The following ZFYVE28 variants were observed in gnomAD, a reference collection of about 807,000 sequenced individuals.
ZFYVE28 encodes zinc finger FYVE-type containing 28.
Under a neutral mutation model 82.1 loss-of-function variants are expected in ZFYVE28, and 40 were observed. That is an observed-to-expected ratio of 0.49 (90% CI 0.38 to 0.63). The LOEUF (loss-of-function observed/expected upper bound fraction) is 0.63, where lower values mean the gene tolerates loss of function less well. Ranked by LOEUF, ZFYVE28 falls within the 30% of genes least tolerant of loss-of-function variation. The pLI, the probability that ZFYVE28 is intolerant of heterozygous loss-of-function variation, is 0.00. For synonymous variants in ZFYVE28, 612 were observed against 546.1 expected, an observed-to-expected ratio of 1.12 and a Z score of -1.68; for missense variants, 1,321 against 1,242.1, an observed-to-expected ratio of 1.06 and a Z score of -0.96.
chr4:2,385,617 C>T (rs1000924132), intron 1 of ZFYVE28, among the ~76,000 whole-genome samples: 2 of 152,244 alleles, frequency 1.3e-5, no homozygotes, highest in African/African-American at 4.8e-5. Flanking sequence ...GCACCCACTG[C>T]CTGCATCTGA....
chr4:2,315,578 C>T (rs555206922), intron 7 of ZFYVE28, among the ~76,000 whole-genome samples: 8 of 152,182 alleles, frequency 5.3e-5, no homozygotes, highest in Admixed American at 6.5e-5. Flanking sequence ...CAACCTCCTT[C>T]GGCAGTTTAA....
At chr4:2,272,105 G>A (rs1383579847) in intron 10 of ZFYVE28, among the ~76,000 whole-genome samples, 1 of 152,216 alleles carries the variant, frequency 6.6e-6, no homozygotes, top group Admixed American at 6.5e-5. Context: ...TGCAGAACAG[G>A]GCCATGTCAC....
At position 2,320,805 on chromosome 4, in the gene ZFYVE28, G is replaced by A. The variant is rs992466279; in HGVS notation, c.702-534C>T. On this transcript the variant is annotated intron_variant, in intron 6 of 12. Coordinates refer to ENST00000290974, the MANE Select transcript of ZFYVE28 (RefSeq NM_020972.3). This position sits in a 1 kb window ranked among gnomAD's most constrained non-coding sequence, Gnocchi z 5.1. ...GCAGCCTCCCCTCATCCCCCACACA[G>A]GACCCACCTCCCTTGTGGTGCCCAC... Among the ~76,000 whole-genome samples, 1 of 152,004 alleles carries A rather than the reference G, an allele frequency of 6.6e-6. No homozygotes were observed. The highest frequency in any genetic ancestry group is 2.4e-5 in the African/African-American group (1 of 41,394).
intron 11 of ZFYVE28, 35 bp from the exon 12 acceptor site, chr4:2,271,449 G>A (rs774566700): frequency 6.2e-7 from 1 of 1,600,486 alleles, no homozygotes; most frequent in East Asian, 2.2e-5. Context: ...ATCAGCGACG[G>A]CAGGAGCAGG....
intron 5 of ZFYVE28, 103 bp downstream of exon 5, chr4:2,337,304 G>A (rs909033355): frequency 8.8e-6 from 9 of 1,023,000 alleles, no homozygotes; most frequent in Admixed American, 2.6e-5. Context: ...GGGCACTCCC[G>A]AGACACAGCA....
chr4:2,399,083 A>AGGGGAGAGCCAGGGCACAAGCGTGG (rs1297197658), intron 1 of ZFYVE28, among the ~76,000 whole-genome samples: 1 of 117,502 alleles, frequency 8.5e-6, no homozygotes, highest in Non-Finnish European at 1.7e-5. Flanking sequence ...CACAAGCGTG[A>AGGGGAGAGCCAGGGCACAAGCGTGG]AGGTGAGATC....
At chr4:2,336,821 T>TGAGGAGA (rs1721821754) in intron 5 of ZFYVE28, among the ~76,000 whole-genome samples, 1 of 55,084 alleles carries the variant, frequency 1.8e-5, no homozygotes, top group African/African-American at 7.0e-5. Flanking sequence ...GAGGTGTGGA[T>TGAGGAGA]TGAGGAGGTG....
chr4:2,310,186 G>T (rs1717275983), intron 7 of ZFYVE28, among the ~76,000 whole-genome samples: 1 of 152,004 alleles, frequency 6.6e-6, no homozygotes, highest in South Asian at 2.1e-4. Context: ...GTACAGATGT[G>T]TACCACCATG....
intron 4 of ZFYVE28, among the ~76,000 whole-genome samples, chr4:2,338,901 T>C (rs662925): frequency 0.21 from 31,680 of 152,122 alleles, 3,501 homozygotes; most frequent in Middle Eastern, 0.37. Flanking sequence ...CGCAGCTCAC[T>C]GTAGCCTCTG....
rs56347137 is a variant in ZFYVE28, at chr4:2,381,607, G to A, written c.40-27534C>T. Among the ~76,000 whole-genome samples the A allele has an allele frequency of 5.4e-3, 823 of 152,156 alleles. 6 individuals are homozygous for A. Among genetic ancestry groups the A allele is most frequent in the South Asian group, 0.027 (128 of 4,814 alleles). On this transcript the variant is annotated intron_variant, in intron 1 of 12. Coordinates refer to ENST00000290974, the MANE Select transcript of ZFYVE28 (RefSeq NM_020972.3). ...TTTTTAGTAGAGATGGGGTTCCACC[G>A]TATTGGCCAGGCTGGTCTCAAGCTC...
At chr4:2,286,657 C>T (rs186609543) in intron 8 of ZFYVE28, 1 of 152,240 alleles carries the variant, frequency 6.6e-6, no homozygotes, top group African/African-American at 2.4e-5. Flanking sequence ...GACGTGGGCT[C>T]TTGGTGGAGC....
At chr4:2,330,360 A>T in intron 6 of ZFYVE28, 1 of 999,540 alleles carries the variant, frequency 1.0e-6, no homozygotes, top group Non-Finnish European at 1.2e-6. Flanking sequence ...AGTGGTGGGG[A>T]CATCGCAGAG....
chr4:2,359,271 G>T (rs528704118), intron 1 of ZFYVE28, among the ~76,000 whole-genome samples: 11 of 151,812 alleles, frequency 7.2e-5, no homozygotes, highest in Admixed American at 3.9e-4. Flanking sequence ...GTGAGCCACC[G>T]TGCCCAGCCA....
rs553567042 is a variant in ZFYVE28 at position 2,412,020 on chromosome 4, G to A, written c.39+6265C>T. On this transcript the variant is annotated intron_variant, in intron 1 of 12. Coordinates refer to ENST00000290974, the MANE Select transcript of ZFYVE28 (RefSeq NM_020972.3). ...TAGAGGAGGCAGGTGCTCACGTGGT[G>A]AGTGAGCACATGGCAGCATCTCCCC... Among the ~76,000 whole-genome samples, 3 of 152,320 alleles carry A rather than the reference G, an allele frequency of 2.0e-5. No homozygotes were observed. In the South Asian group the frequency reaches 6.2e-4, roughly 32 times the overall value.
intron 1 of ZFYVE28, among the ~76,000 whole-genome samples, chr4:2,354,414 G>C (rs1724934129): frequency 6.6e-6 from 1 of 151,686 alleles, no homozygotes; most frequent in Non-Finnish European, 1.5e-5. Context: ...GAAGAGTGGG[G>C]TCCCCGGCGC....
intron 8 of ZFYVE28, among the ~76,000 whole-genome samples, chr4:2,284,567 C>G (rs1712443880): frequency 6.6e-6 from 1 of 152,188 alleles, no homozygotes; most frequent in Non-Finnish European, 1.5e-5. Context: ...GAAGGCCTTG[C>G]TGCCCGGTCA....
At chr4:2,389,381 C>T (rs965726345) in intron 1 of ZFYVE28, among the ~76,000 whole-genome samples, 1 of 152,186 alleles carries the variant, frequency 6.6e-6, no homozygotes, top group African/African-American at 2.4e-5. Context: ...CCCTGCTGAC[C>T]CTGTGAGCCA....
intron 1 of ZFYVE28, among the ~76,000 whole-genome samples, chr4:2,401,365 G>A (rs1197073699): frequency 6.6e-6 from 1 of 152,194 alleles, no homozygotes; most frequent in East Asian, 1.9e-4. Context: ...TCTCACACAG[G>A]CGGCTGGGGC....
chr4:2,314,672 GTA>G (rs1717949224), intron 7 of ZFYVE28, among the ~76,000 whole-genome samples: 1 of 151,980 alleles, frequency 6.6e-6, no homozygotes, highest in Non-Finnish European at 1.5e-5. Context: ...TCTGCTACTT[GTA>G]TATCATGAAT....
Sources: gnomAD v4.1 joint callset for allele counts (sites outside exome capture counted in the v4.1 genomes callset) on GRCh38, gnomAD v4.1.1 for gene constraint, Gnocchi (gnomAD v3.1) non-coding constraint, MANE v1.5 for transcripts, NCBI Gene and HGNC (gene_info 2026-07-23, HGNC 2026-07-21) for gene names.